ZNF189: variants seen among roughly 807,000 people sequenced by gnomAD.
ZNF189 encodes the protein zinc finger protein 189.
A neutral mutation model predicts 53.5 loss-of-function variants in ZNF189; 33 were observed. The observed-to-expected ratio is 0.62, with a 90% CI of 0.47 to 0.82. The LOEUF is 0.82. Ranked by LOEUF, ZNF189 falls within the 40% of genes least tolerant of loss-of-function variation. ZNF189 has a pLI of 0.00. For synonymous variants in ZNF189, 247 were observed against 238.8 expected, an observed-to-expected ratio of 1.03 and a Z score of -0.32; for missense variants, 711 against 753.9, an observed-to-expected ratio of 0.94 and a Z score of 0.67.
Position 101,409,909 on chromosome 9 carries a change from T to G in ZNF189, c.*260T>G. ...TTTCAGCAGAGAGATTAAACCTAGG[T>G]TCAGAGCATGGGTGCTCTGAGGGAC... On this transcript the variant is annotated 3_prime_UTR_variant, in exon 3 of 3. Transcript: ENST00000339664. The G allele has an allele frequency of 7.7e-6, 3 of 389,718 alleles. No homozygotes were observed. Among genetic ancestry groups the G allele is most frequent in the Non-Finnish European group, 1.4e-5 (3 of 217,236 alleles). 24.1% of individuals were successfully genotyped at this position (389,718 alleles called of 1,614,324 possible).
rs370568016 is a variant in ZNF189, at chr9:101,408,016, T to G, written c.248T>G (p.Ile83Arg). 6.2e-7 allele frequency: 1 copy of G among 1,613,464 alleles called. No homozygotes were observed. The highest frequency in any genetic ancestry group is 1.7e-5 in the Admixed American group (1 of 59,914). The change falls in exon 3 of 3, where the codon ATA becomes AGA. Residue 83 changes from isoleucine to arginine, a missense_variant. Transcript: ENST00000339664. ...GAAGAAGTGGAACCACAGGGTGTAA[T>G]AGTTACAAGAATCAAAAGTGAAATT... Reference protein sequence around the residue: ...IEEEVEPQGVIVTRIKSEIDQ... With the variant: ...IEEEVEPQGVRVTRIKSEIDQ...
intron 2 of ZNF189, among the ~76,000 whole-genome samples, chr9:101,400,642 A>G (rs1488720125): frequency 6.6e-6 from 1 of 152,162 alleles, no homozygotes; most frequent in Non-Finnish European, 1.5e-5. Flanking sequence ...CACATGTTTC[A>G]TAGTCTATTT....
Position 101,409,708 on chromosome 9 carries a change from G to C in ZNF189, c.*59G>C. ...AGACTAGTACCCAAGTGCAGTTTTA[G>C]TATGGCTCAACATGGGTCAGATTTA... On this transcript the variant is annotated 3_prime_UTR_variant, in exon 3 of 3. Transcript: ENST00000339664. The C allele has an allele frequency of 6.6e-7, 1 of 1,524,436 alleles. No homozygotes were observed. The highest frequency in any genetic ancestry group is 8.8e-7 in the Non-Finnish European group (1 of 1,141,862). 94.4% of individuals were successfully genotyped at this position (1,524,436 alleles called of 1,614,324 possible). A position where few individuals can be genotyped will look rare whatever the true frequency, so the allele number is the denominator to read the frequency against.
In ZNF189 at chr9:101,406,685, G is replaced by A. The variant is rs533595364; in HGVS notation, c.161-1244G>A. Among the ~76,000 whole-genome samples, 46 of 152,268 alleles carry A rather than the reference G, an allele frequency of 3.0e-4. No individual in the cohort carries two copies. The South Asian group carries it at 7.3e-3, about 24-fold the overall frequency. ...CTCCACAAAAAATTGAGAGAAAAGA[G>A]GATGTATGAAAAAGGAGCTTGTTTA... On this transcript the variant is annotated intron_variant, in intron 2 of 2. Coordinates refer to ENST00000339664, the MANE Select transcript of ZNF189 (RefSeq NM_003452.4).
In ZNF189 at chr9:101,409,840, G is replaced by C. The variant is rs1055911183; in HGVS notation, c.*191G>C. 5.1e-6 allele frequency: 3 copies of C among 589,558 alleles called. No homozygotes were observed. Among genetic ancestry groups the C allele is most frequent in the Non-Finnish European group, 8.5e-6 (3 of 351,566 alleles). 36.5% of individuals were successfully genotyped at this position (589,558 alleles called of 1,614,324 possible). A position where few individuals can be genotyped will look rare whatever the true frequency, so the allele number is the denominator to read the frequency against. ...TGACTTCCCTTACTCTTTGATGATC[G>C]TAGAGAAAGACTTGGTAATTTATCT... On this transcript the variant is annotated 3_prime_UTR_variant, in exon 3 of 3. Transcript: ENST00000339664.
chr9:101,409,173 G>T lies in ZNF189; in HGVS notation c.1405G>T (p.Ala469Ser). 6.2e-7 allele frequency: 1 copy of T among 1,613,940 alleles called. No individual in the cohort carries two copies. The highest frequency in any genetic ancestry group is 8.5e-7 in the Non-Finnish European group (1 of 1,179,988). Residue 469 changes from alanine to serine, a missense_variant, in exon 3 of 3, where the codon GCT (alanine) becomes TCT (serine). Physicochemically the swap from Ala to Ser is moderately conservative, Grantham distance 99. Transcript: ENST00000339664. Reference protein sequence around the residue: ...DECGKTFSVSAHLVQHQRIHT... With the variant: ...DECGKTFSVSSHLVQHQRIHT... ...ATGTGGGAAAACTTTTAGTGTTAGT[G>T]CTCATCTTGTACAACATCAAAGAAT...
chr9:101,408,421 C>T lies in ZNF189; in HGVS notation c.653C>T (p.Thr218Ile), dbSNP rs1417981630. Reference sequence around the variant, plus strand: ...GGAAAAACCTTTAGTGTGAGCTCAACCCTTATTAGACATCAGAGAATCCAC... The same window carrying T: ...GGAAAAACCTTTAGTGTGAGCTCAATCCTTATTAGACATCAGAGAATCCAC... ...YCGKTFSVSS[T>I]LIRHQRIHTG... is the part of the protein sequence containing the mutation. Residue 218 changes from threonine to isoleucine, a missense_variant, in exon 3 of 3, where the codon ACC becomes ATC. By Grantham distance (89) the Thr-to-Ile change is moderately conservative. Transcript: ENST00000339664. The T allele has an allele frequency of 3.7e-6, 6 of 1,612,480 alleles. No individual in the cohort carries two copies. Among genetic ancestry groups the T allele is most frequent in the Non-Finnish European group, 5.1e-6 (6 of 1,179,594 alleles).
chr9:101,403,221 T>C (rs1372367122), intron 2 of ZNF189, among the ~76,000 whole-genome samples: 1 of 152,104 alleles, frequency 6.6e-6, no homozygotes, highest in African/African-American at 2.4e-5. Context: ...CCCTGCCTTC[T>C]CCTAGAACTG....
At chr9:101,403,999 G>A (rs1045709688) in intron 2 of ZNF189, among the ~76,000 whole-genome samples, 3 of 152,128 alleles carry the variant, frequency 2.0e-5, no homozygotes, top group East Asian at 1.9e-4. Context: ...GCTACCTTCC[G>A]AATAACTAGC....
intron 2 of ZNF189, among the ~76,000 whole-genome samples, chr9:101,405,599 A>C (rs900975319): frequency 6.6e-6 from 1 of 152,204 alleles, no homozygotes; most frequent in African/African-American, 2.4e-5. Flanking sequence ...AAATGTGGGT[A>C]ACAATAACAA....
rs1830831126 is a variant in ZNF189, at chr9:101,408,997, G to A, written c.1229G>A (p.Ser410Asn). The change falls in exon 3 of 3, where the codon AGT becomes AAT. Residue 410 changes from serine (S) to asparagine (N), a missense_variant. Ser to Asn is a conservative substitution (Grantham distance 46). Transcript: ENST00000339664. ...TGTGAGGAATGTGGAAAAGCCTTTA[G>A]TAGAAGCTCAGGTCTTATTCAGCAT... ...HKCEECGKAF[S>N]RSSGLIQHQR... 1.9e-6 allele frequency: 3 copies of A among 1,614,006 alleles called. No homozygotes were observed. The highest frequency in any genetic ancestry group is 1.7e-6 in the Non-Finnish European group (2 of 1,180,026).
chr9:101,409,922 T>A lies in ZNF189; in HGVS notation c.*273T>A. On this transcript the variant is annotated 3_prime_UTR_variant, in exon 3 of 3. Transcript: ENST00000339664. ...ATTAAACCTAGGTTCAGAGCATGGGTGCTCTGAGGGACAAAGTTGGATTAG... is the reference window on the plus strand; with the variant it reads ...ATTAAACCTAGGTTCAGAGCATGGGAGCTCTGAGGGACAAAGTTGGATTAG... The A allele has an allele frequency of 3.0e-6, 1 of 333,192 alleles. No individual in the cohort carries two copies. Among genetic ancestry groups the A allele is most frequent in the Admixed American group, 4.6e-5 (1 of 21,700 alleles). The allele number at this position is 333,192 out of a possible 1,614,324, so 20.6% of individuals were successfully genotyped here. A position where few individuals can be genotyped will look rare whatever the true frequency, so the allele number is the denominator to read the frequency against.
At chr9:101,403,594 T>C (rs76985375) in intron 2 of ZNF189, among the ~76,000 whole-genome samples, 6,121 of 152,330 alleles carry the variant, frequency 0.04, 436 homozygotes, top group African/African-American at 0.14. Flanking sequence ...GTTGATAGCT[T>C]AATTTCTCAG....
chr9:101,406,493 T>C (rs1830714672), intron 2 of ZNF189, among the ~76,000 whole-genome samples: 1 of 152,196 alleles, frequency 6.6e-6, no homozygotes, highest in South Asian at 2.1e-4. Flanking sequence ...GGGAGTTCTT[T>C]CATGTTTTTT....
chr9:101,399,746 T>TG, intron 1 of ZNF189, 138 bp from the exon 2 acceptor site: 1 of 1,405,306 alleles, frequency 7.1e-7, no homozygotes, highest in East Asian at 2.3e-5. Context: ...TTCCCAGAAT[T>TG]GGGCAACATA....
In ZNF189 at chr9:101,398,873, A is replaced by G; in HGVS notation, c.-284A>G. 1.7e-6 allele frequency: 1 copy of G among 591,064 alleles called. No homozygotes were observed. The highest frequency in any genetic ancestry group is 3.0e-6 in the Non-Finnish European group (1 of 332,934). 36.6% of individuals were successfully genotyped at this position (591,064 alleles called of 1,614,324 possible). On this transcript the variant is annotated 5_prime_UTR_variant, in exon 1 of 3. Coordinates refer to ENST00000339664, the MANE Select transcript of ZNF189 (RefSeq NM_003452.4). ...GGCGGTCATAGCGTTACTTGGCTGCAAGGAGGAGGAACTGGCAGCGGGGAG... is the reference window on the plus strand; with the variant it reads ...GGCGGTCATAGCGTTACTTGGCTGCGAGGAGGAGGAACTGGCAGCGGGGAG...
Position 101,408,125 on chromosome 9 carries a change from A to G in ZNF189, c.357A>G (p.Pro119=), listed in dbSNP as rs756338566. 3.1e-6 allele frequency: 5 copies of G among 1,613,852 alleles called. No individual in the cohort carries two copies. The highest frequency in any genetic ancestry group is 2.2e-5 in the South Asian group (2 of 91,048). ...GAGGGATCTTCCTATGGGAAATACCAAGGGAATCTTTGACCCAGGAACAGA... is the reference window on the plus strand; with the variant it reads ...GAGGGATCTTCCTATGGGAAATACCGAGGGAATCTTTGACCCAGGAACAGA... The part of the protein sequence containing the change: ...KQRGIFLWEI[P]RESLTQEQRM... The change falls in exon 3 of 3, where the codon CCA becomes CCG. Residue 119 remains proline (P), a synonymous_variant. Coordinates refer to ENST00000339664, the MANE Select transcript of ZNF189 (RefSeq NM_003452.4).
rs961725063 is a variant in ZNF189, at chr9:101,407,865, T to C, written c.161-64T>C. 37 of 1,427,092 alleles carry C rather than the reference T, an allele frequency of 2.6e-5. No homozygotes were observed. The Middle Eastern group carries it at 1.9e-3, about 75-fold the overall frequency. The allele number at this position is 1,427,092 out of a possible 1,614,324, so 88.4% of individuals were successfully genotyped here. ...TATTTGTTTCTTTGTTTGCCCATCT[T>C]ACTTTGTTTCTCCTTGCTTCAAAGA... is the stretch of plus-strand genomic sequence containing the variant. On this transcript the variant is annotated intron_variant, in intron 2 of 2. Coordinates refer to ENST00000339664, the MANE Select transcript of ZNF189 (RefSeq NM_003452.4).
At chr9:101,404,186 C>T (rs1354752954) in intron 2 of ZNF189, among the ~76,000 whole-genome samples, 2 of 152,192 alleles carry the variant, frequency 1.3e-5, no homozygotes, top group East Asian at 1.9e-4. Flanking sequence ...TTGTTTTTTT[C>T]ACCTGCCTAT....
Sources: allele counts gnomAD v4.1 joint callset (sites outside exome capture counted in the v4.1 genomes callset), GRCh38; gene constraint gnomAD v4.1.1; transcripts MANE v1.5; gene names NCBI Gene and HGNC (gene_info 2026-07-23, HGNC 2026-07-21).